TENM1: variants seen among roughly 807,000 people sequenced by gnomAD.
The protein encoded by TENM1 is teneurin transmembrane protein 1.
TENM1 carries 35 observed loss-of-function variants against 174.8 expected under a neutral mutation model. The ratio of observed to expected loss-of-function variants is 0.20; its 90% CI spans 0.15 to 0.27. The LOEUF (loss-of-function observed/expected upper bound fraction) is 0.27, where lower values mean the gene tolerates loss of function less well. TENM1 is among the 10% of genes least tolerant of loss of function. TENM1 has a pLI of 1.00. For missense variants in TENM1, 1,633 were observed against 2,130.1 expected, an observed-to-expected ratio of 0.77 and a Z score of 4.59; for synonymous variants, 781 against 798.7, an observed-to-expected ratio of 0.98 and a Z score of 0.37.
chrX:125,170,616 C>T, the TENM1 span, among the ~76,000 whole-genome samples: 4 of 111,158 alleles, frequency 3.6e-5, no homozygotes, highest in Non-Finnish European at 5.7e-5. Flanking sequence ...GATTTCACGA[C>T]AGGAAGAAAA....
intron 3 of TENM1, among the ~76,000 whole-genome samples, chrX:124,767,705 G>A (rs1462832207): frequency 9.0e-6 from 1 of 110,991 alleles, no homozygotes; most frequent in Non-Finnish European, 1.9e-5. Flanking sequence ...GTCTGTTCAA[G>A]CCAACACTTA....
intron 11 of TENM1, among the ~76,000 whole-genome samples, chrX:124,578,642 G>C (rs1352312314): frequency 8.9e-6 from 1 of 111,957 alleles, no homozygotes; most frequent in Non-Finnish European, 1.9e-5. Flanking sequence ...GACTGCCTCT[G>C]TTTCCAATAC....
chrX:124,832,315 T>C (rs1569458682), intron 3 of TENM1, among the ~76,000 whole-genome samples: 1 of 112,118 alleles, frequency 8.9e-6, no homozygotes, highest in Non-Finnish European at 1.9e-5. Flanking sequence ...GAATCATAAT[T>C]ATATCTGAAT....
chrX:124,600,680 C>T (rs1370945989), intron 11 of TENM1, among the ~76,000 whole-genome samples: 1 of 111,353 alleles, frequency 9.0e-6, no homozygotes, highest in Non-Finnish European at 1.9e-5. Flanking sequence ...AGATGTACAA[C>T]CCAAATCTAA....
chrX:124,397,087 A>G (rs2060343641), intron 27 of TENM1, among the ~76,000 whole-genome samples: 1 of 111,169 alleles, frequency 9.0e-6, no homozygotes, highest in Admixed American at 9.5e-5. Context: ...TACTAGGACC[A>G]GAGAGGAAAG....
the TENM1 span, among the ~76,000 whole-genome samples, chrX:125,033,580 G>T: frequency 2.3e-4 from 26 of 111,884 alleles, no homozygotes; most frequent in Non-Finnish European, 1.5e-4. Context: ...CAGGAGGAAG[G>T]GAAGGACAAA....
chrX:125,154,677 T>G, the TENM1 span, among the ~76,000 whole-genome samples: 1 of 110,995 alleles, frequency 9.0e-6, no homozygotes, highest in Non-Finnish European at 1.9e-5. Flanking sequence ...GTGTTACAGT[T>G]CTTAAAGGCG....
chrX:124,532,184 C>T (rs1293590932), intron 15 of TENM1, among the ~76,000 whole-genome samples: 1 of 112,091 alleles, frequency 8.9e-6, no homozygotes, highest in African/African-American at 3.2e-5. Flanking sequence ...TGCTGATTCC[C>T]TATTCGCAAG....
intron 3 of TENM1, among the ~76,000 whole-genome samples, chrX:124,751,603 T>C (rs1467706522): frequency 9.3e-6 from 1 of 107,137 alleles, no homozygotes; most frequent in African/African-American, 3.4e-5. Context: ...AACTCGTCAT[T>C]TAGCATTAGG....
rs2050658915 is a variant in TENM1 at position 124,627,264 on chromosome X, C to T, written c.2077+14527G>A. ...ATTAAAATGGATATATACACTCTGT[C>T]CTACTGTCATAGTATGTGGTTTGAT... On this transcript the variant is annotated intron_variant, in intron 11 of 31. Coordinates refer to ENST00000422452, the Ensembl canonical transcript of TENM1. Among the ~76,000 whole-genome samples the T allele has an allele frequency of 2.7e-5, 3 of 111,271 alleles. No homozygotes were observed. The South Asian group carries it at 1.1e-3, about 42-fold the overall frequency.
rs763373491 is a variant in TENM1, at chrX:124,761,996, A to G, written c.536-24799T>C. Reference sequence around the variant, plus strand: ...ATAACTTCTGTCCATTTTAATGTACATTGGATGTTTGGTCTTTTACAATTG... The same window carrying G: ...ATAACTTCTGTCCATTTTAATGTACGTTGGATGTTTGGTCTTTTACAATTG... On this transcript the variant is annotated intron_variant, in intron 3 of 31. Coordinates refer to ENST00000422452, the Ensembl canonical transcript of TENM1. Among the ~76,000 whole-genome samples the G allele has an allele frequency of 2.0e-4, 22 of 112,536 alleles. No individual in the cohort carries two copies. The South Asian group carries it at 4.4e-3, about 23-fold the overall frequency.
the TENM1 span, among the ~76,000 whole-genome samples, chrX:125,200,654 T>TGTGTGAGAGAGAGAGAGA: frequency 1.6e-4 from 15 of 92,424 alleles, no homozygotes; most frequent in African/African-American, 5.5e-4. Context: ...TGTGTGTGTG[T>TGTGTGAGAGAGAGAGAGA]GAGAGAGAGA....
intron 22 of TENM1, among the ~76,000 whole-genome samples, chrX:124,481,288 G>T (rs902648517): frequency 1.8e-5 from 2 of 111,217 alleles, no homozygotes; most frequent in African/African-American, 3.3e-5. Flanking sequence ...CTTAGCAGTG[G>T]TAGAAGGTAG....
the TENM1 span, among the ~76,000 whole-genome samples, chrX:124,979,598 TCAGATTGTATTTCCATTAGG>T: frequency 1.8e-5 from 2 of 111,704 alleles, no homozygotes; most frequent in African/African-American, 6.5e-5. Context: ...CATATAGGTC[TCAGATTGTATTTCCATTAGG>T]CAGCAGTAAA....
intron 23 of TENM1, among the ~76,000 whole-genome samples, chrX:124,435,146 C>T (rs907609542): frequency 1.8e-5 from 2 of 111,498 alleles, no homozygotes; most frequent in Non-Finnish European, 3.8e-5. Context: ...GGTCTTAACA[C>T]AGTAGGAAGT....
intron 1 of TENM1, among the ~76,000 whole-genome samples, chrX:124,947,865 A>T (rs2058425322): frequency 8.9e-6 from 1 of 112,003 alleles, no homozygotes; most frequent in Admixed American, 9.5e-5. Flanking sequence ...TAACCTTTCA[A>T]GGAAGAAAAA....
intron 3 of TENM1, among the ~76,000 whole-genome samples, chrX:124,847,157 G>A (rs1440549556): frequency 9.0e-6 from 1 of 110,949 alleles, no homozygotes; most frequent in Non-Finnish European, 1.9e-5. Context: ...CTTTAAATAT[G>A]CTAGTATGTA....
intron 5 of TENM1, among the ~76,000 whole-genome samples, chrX:124,672,463 A>C (rs1315407820): frequency 1.8e-5 from 2 of 111,673 alleles, no homozygotes; most frequent in Non-Finnish European, 3.8e-5. Flanking sequence ...CTGTGCAGGA[A>C]GATGGGCACT....
intron 4 of TENM1, among the ~76,000 whole-genome samples, chrX:124,715,601 TCTC>T (rs956007625): frequency 3.3e-4 from 37 of 110,481 alleles, no homozygotes; most frequent in Middle Eastern, 4.7e-3. Context: ...TTTTTCATCT[TCTC>T]TTTTCTTTTT....
Sources: allele counts gnomAD v4.1 joint callset (sites outside exome capture counted in the v4.1 genomes callset), GRCh38; gene constraint gnomAD v4.1.1; transcripts MANE v1.5; gene names NCBI Gene and HGNC (gene_info 2026-07-23, HGNC 2026-07-21).